Variants in SPTBN1 observed in about 807,000 individuals in gnomAD.
The protein encoded by SPTBN1 is spectrin beta, non-erythrocytic 1, also known as spectrin beta chain, non-erythrocytic 1.
Under a neutral mutation model 266.4 loss-of-function variants are expected in SPTBN1, and 32 were observed. The ratio of observed to expected loss-of-function variants is 0.12; its 90% CI spans 0.09 to 0.16. The LOEUF (loss-of-function observed/expected upper bound fraction) is 0.16. Among genes scored for constraint, SPTBN1 ranks in the 10% least tolerant of loss-of-function variants. The pLI is 1.00. For missense variants in SPTBN1, 2,296 were observed against 3,067.1 expected (o/e 0.75, Z 5.94); for synonymous variants, 1,336 against 1,162.2 (o/e 1.15, Z -3.04).
intron 6 of SPTBN1, 136 bp from the exon 7 acceptor site, chr2:54,617,942 T>G: frequency 1.4e-6 from 1 of 731,022 alleles, no homozygotes; most frequent in South Asian, 1.9e-5. Context: ...TGTTTGATGA[T>G]TCCATGATAG....
At chr2:54,522,182 G>A (rs1332221686) in intron 1 of SPTBN1, among the ~76,000 whole-genome samples, 5 of 152,082 alleles carry the variant, frequency 3.3e-5, no homozygotes, top group African/African-American at 1.2e-4. Flanking sequence ...GATTACAGGC[G>A]TGAGCCACCA....
At chr2:54,488,653 A>G (rs572472467) in intron 1 of SPTBN1, among the ~76,000 whole-genome samples, 18 of 151,876 alleles carry the variant, frequency 1.2e-4, no homozygotes, top group Non-Finnish European at 2.6e-4. Flanking sequence ...CTTCTTTGTG[A>G]TTTAGTTTCC....
In SPTBN1 at chr2:54,655,961, C is replaced by A; in HGVS notation, c.6009C>A (p.Ile2003=). Residue 2003 remains isoleucine, a synonymous_variant, in exon 29 of 36, where the codon ATC becomes ATA. Transcript: ENST00000356805. The part of the protein sequence containing the change: ...LQLTEKRKEM[I]DKWEDRWEWL... ...TGACGGAAAAGAGGAAAGAAATGAT[C>A]GACAAGTGGGAAGACCGATGGGAAT... 6.2e-7 allele frequency: 1 copy of A among 1,613,382 alleles called. No individual in the cohort carries two copies. Among genetic ancestry groups the A allele is most frequent in the South Asian group, 1.1e-5 (1 of 91,026 alleles).
intron 3 of SPTBN1, 129 bp from the exon 4 acceptor site, chr2:54,612,032 G>A (rs896039377): frequency 1.1e-6 from 1 of 916,916 alleles, no homozygotes; most frequent in Non-Finnish European, 1.6e-6. Flanking sequence ...ATGAGTACAT[G>A]TGTTTGTTAA....
At chr2:54,608,479 G>A (rs1273994624) in intron 3 of SPTBN1, among the ~76,000 whole-genome samples, 5 of 152,130 alleles carry the variant, frequency 3.3e-5, no homozygotes, top group Admixed American at 2.6e-4. Context: ...TCAAGATGAT[G>A]GGTCACAGGC....
intron 4 of SPTBN1, among the ~76,000 whole-genome samples, chr2:54,614,639 C>T (rs1413771836): frequency 6.6e-6 from 1 of 151,950 alleles, no homozygotes; most frequent in Non-Finnish European, 1.5e-5. Flanking sequence ...CCTGCCTCTA[C>T]TAAAAATACA....
intron 1 of SPTBN1, among the ~76,000 whole-genome samples, chr2:54,466,826 C>G (rs1312274802): frequency 2.0e-5 from 3 of 152,144 alleles, no homozygotes; most frequent in Non-Finnish European, 4.4e-5. Flanking sequence ...GCTAAATATA[C>G]TTTCTGCTGT....
intron 24 of SPTBN1, among the ~76,000 whole-genome samples, chr2:54,647,656 G>A (rs1461169970): frequency 6.6e-6 from 1 of 152,146 alleles, no homozygotes; most frequent in Non-Finnish European, 1.5e-5. Flanking sequence ...TCTCGGCAAT[G>A]TGGCGAAACC....
chr2:54,522,914 T>C (rs1006957748), intron 1 of SPTBN1, among the ~76,000 whole-genome samples: 2 of 151,980 alleles, frequency 1.3e-5, no homozygotes, highest in Non-Finnish European at 2.9e-5. Context: ...CTAAAACTTA[T>C]CTGGGGAGAG....
intron 1 of SPTBN1, among the ~76,000 whole-genome samples, chr2:54,507,478 G>A (rs921677060): frequency 6.6e-6 from 1 of 152,148 alleles, no homozygotes; most frequent in Non-Finnish European, 1.5e-5. Context: ...TTTGTGGTAA[G>A]GGGTGATAAT....
chr2:54,629,209 G>A lies in SPTBN1; in HGVS notation c.2075G>A (p.Gly692Asp). 6.2e-7 allele frequency: 1 copy of A among 1,613,734 alleles called. No homozygotes were observed. The highest frequency in any genetic ancestry group is 1.1e-5 in the South Asian group (1 of 91,090). The change falls in exon 14 of 36, where the codon GGC becomes GAC. Residue 692 changes from glycine (G) to aspartate (D), a missense_variant. Around this residue, in one of 12 missense-constraint regions of SPTBN1, gnomAD observed 434 missense variants for 573.9 expected, o/e 0.76. Coordinates refer to ENST00000356805, the MANE Select transcript of SPTBN1 (RefSeq NM_003128.3). ...GAGGACGAGATGAGCGGCCGCAGTGGCCACTTTGAGCAGGCCATCAAGGAA... is the reference window on the plus strand; with the variant it reads ...GAGGACGAGATGAGCGGCCGCAGTGACCACTTTGAGCAGGCCATCAAGGAA... ...AFEDEMSGRSGHFEQAIKEGE... is the reference protein window; with the variant it reads ...AFEDEMSGRSDHFEQAIKEGE...
intron 2 of SPTBN1, among the ~76,000 whole-genome samples, chr2:54,580,269 C>T (rs573944860): frequency 6.6e-6 from 1 of 152,226 alleles, no homozygotes; most frequent in East Asian, 1.9e-4. Flanking sequence ...GATTTTGTTT[C>T]TTGATGGTTC....
chr2:54,659,018 C>G lies in SPTBN1; in HGVS notation c.6244-136C>G, dbSNP rs996618520. Reference sequence around the variant, plus strand: ...CCTGTGAACCTAATTCCATTTGGCTCAGGATGTTAGAGCTTCTTGTCCAGT... The same window carrying G: ...CCTGTGAACCTAATTCCATTTGGCTGAGGATGTTAGAGCTTCTTGTCCAGT... On this transcript the variant is annotated intron_variant, in intron 30 of 35. Transcript: ENST00000356805. The G allele has an allele frequency of 1.2e-5, 10 of 818,256 alleles. No homozygotes were observed. In the East Asian group the frequency reaches 2.3e-4, roughly 19 times the overall value. The allele number at this position is 818,256 out of a possible 1,614,324, so 50.7% of individuals were successfully genotyped here.
intron 2 of SPTBN1, among the ~76,000 whole-genome samples, chr2:54,534,849 C>T (rs1475722457): frequency 6.6e-6 from 1 of 152,198 alleles, no homozygotes; most frequent in African/African-American, 2.4e-5. Flanking sequence ...ATGCACTCAT[C>T]CCCCTTCCTG....
At chr2:54,659,106 A>G in intron 30 of SPTBN1, 48 bp from the exon 31 acceptor site, 1 of 1,599,936 alleles carries the variant, frequency 6.3e-7, no homozygotes, top group Non-Finnish European at 8.6e-7. Context: ...TTTTCTGAAA[A>G]GAGGCAGAGT....
intron 2 of SPTBN1, among the ~76,000 whole-genome samples, chr2:54,574,871 C>T (rs1199688382): frequency 6.6e-6 from 1 of 152,138 alleles, no homozygotes; most frequent in Non-Finnish European, 1.5e-5. Flanking sequence ...AGGCATAAAC[C>T]AGGTACCTTC....
chr2:54,634,039 G>A (rs986502241), intron 17 of SPTBN1, among the ~76,000 whole-genome samples: 1 of 152,190 alleles, frequency 6.6e-6, no homozygotes, highest in African/African-American at 2.4e-5. Flanking sequence ...ACAGCAATTG[G>A]GCAAAGCATT....
intron 17 of SPTBN1, among the ~76,000 whole-genome samples, chr2:54,634,400 A>G (rs1447975386): frequency 6.6e-6 from 1 of 152,222 alleles, no homozygotes; most frequent in Non-Finnish European, 1.5e-5. Context: ...GAGCTTCCTT[A>G]GGATTCCTCA....
intron 2 of SPTBN1, among the ~76,000 whole-genome samples, chr2:54,589,876 A>T (rs1675554202): frequency 6.6e-6 from 1 of 152,192 alleles, no homozygotes; most frequent in Admixed American, 6.5e-5. Flanking sequence ...CCACCCTACC[A>T]CTATTCTTTT....
Sources: gnomAD v4.1 joint callset for allele counts (sites outside exome capture counted in the v4.1 genomes callset) on GRCh38, gnomAD v4.1.1 for gene constraint, gnomAD v4.1.1 regional missense constraint, MANE v1.5 for transcripts, NCBI Gene and HGNC (gene_info 2026-07-23, HGNC 2026-07-21) for gene names.